GRM7: variants seen among roughly 807,000 people sequenced by gnomAD.
GRM7 encodes the protein metabotropic glutamate receptor 7.
Under a neutral mutation model 84.5 loss-of-function variants are expected in GRM7, and 35 were observed. The ratio of observed to expected loss-of-function variants is 0.41; its 90% confidence interval spans 0.32 to 0.55. The LOEUF is 0.55. GRM7 is among the 20% of genes least tolerant of loss of function. The pLI is 0.19. For missense variants in GRM7, 1,003 were observed against 1,194.6 expected (o/e 0.84, Z 2.36); for synonymous variants, 487 against 455.1 (o/e 1.07, Z -0.89).
intron 1 of GRM7, among the ~76,000 whole-genome samples, chr3:6,953,838 A>G (rs1448512528): frequency 6.6e-6 from 1 of 152,190 alleles, no homozygotes; most frequent in Admixed American, 6.5e-5. Flanking sequence ...CAGTGACATA[A>G]AAAAATCATA....
intron 1 of GRM7, among the ~76,000 whole-genome samples, chr3:7,108,422 C>T (rs2125030484): frequency 6.6e-6 from 1 of 151,958 alleles, no homozygotes; most frequent in South Asian, 2.1e-4. Context: ...TCTGAAGAAC[C>T]AGTGATCTTG....
rs181339369 is a variant in GRM7, at chr3:7,591,977, T to C, written c.2451+12620T>C. On this transcript the variant is annotated intron_variant, in intron 8 of 9. Coordinates refer to ENST00000357716, the MANE Select transcript of GRM7 (RefSeq NM_000844.4). ...TACCCTGGACAAATTACTTGATCTT[T>C]CTGGGTTTCAGTTTCCTTGTTTATA... Among the ~76,000 whole-genome samples, 226 of 152,324 alleles carry C rather than the reference T, an allele frequency of 1.5e-3. 1 individual carries two copies. Among genetic ancestry groups the C allele is most frequent in the African/African-American group, 4.9e-3 (204 of 41,580 alleles).
At position 7,270,181 on chromosome 3, in the gene GRM7, C is replaced by T. The variant is rs888455948; in HGVS notation, c.737-28503C>T. 3.3e-5 allele frequency among the ~76,000 whole-genome samples: 5 copies of T among 152,128 alleles called. No individual in the cohort carries two copies. In the South Asian group the frequency reaches 1.0e-3, roughly 31 times the overall value. ...ACCAATGCTTTAAATCTTAGCATGT[C>T]GTCATTTCTTTCTTGAAGCACGTCT... On this transcript the variant is annotated intron_variant, in intron 2 of 9. Coordinates refer to ENST00000357716, the MANE Select transcript of GRM7 (RefSeq NM_000844.4).
At chr3:7,392,560 G>A (rs1695043694) in intron 4 of GRM7, among the ~76,000 whole-genome samples, 1 of 152,220 alleles carries the variant, frequency 6.6e-6, no homozygotes, top group Non-Finnish European at 1.5e-5. Flanking sequence ...CCTCTCAGGT[G>A]AGAAACATGG....
At chr3:6,997,510 A>T (rs1232983504) in intron 1 of GRM7, among the ~76,000 whole-genome samples, 1 of 152,164 alleles carries the variant, frequency 6.6e-6, no homozygotes, top group Non-Finnish European at 1.5e-5. Flanking sequence ...AAGCCATCAG[A>T]TCTTGTGAGA....
intron 5 of GRM7, among the ~76,000 whole-genome samples, chr3:7,439,105 C>A (rs561902210): frequency 1.1e-3 from 165 of 152,022 alleles, no homozygotes; most frequent in African/African-American, 1.9e-3. Context: ...AATATGGATC[C>A]CAAACCCTGA....
At chr3:7,683,417 A>C (rs539798643) in intron 9 of GRM7, among the ~76,000 whole-genome samples, 8 of 152,332 alleles carry the variant, frequency 5.3e-5, no homozygotes, top group African/African-American at 1.7e-4. Flanking sequence ...TCTCACCACC[A>C]GCTGGAAAGA....
At chr3:7,578,320 G>C (rs1391267436) in intron 7 of GRM7, 102 bp from the exon 8 acceptor site, 2 of 719,192 alleles carry the variant, frequency 2.8e-6, no homozygotes, top group East Asian at 2.7e-5. Context: ...TCAACCTCAT[G>C]CCTCATATGT....
intron 2 of GRM7, among the ~76,000 whole-genome samples, chr3:7,291,550 C>G (rs1699627600): frequency 1.2e-5 from 1 of 85,460 alleles, no homozygotes; most frequent in African/African-American, 4.2e-5. Flanking sequence ...CTCTCTCTCT[C>G]TCTCAATCCC....
chr3:6,876,645 A>G (rs1222392587), intron 1 of GRM7, among the ~76,000 whole-genome samples: 1 of 128,096 alleles, frequency 7.8e-6, no homozygotes, highest in Non-Finnish European at 1.6e-5. Flanking sequence ...TGTATCGCCC[A>G]GGCTGGAATG....
intron 2 of GRM7, chr3:7,298,439 T>G (rs1277095517): frequency 2.6e-6 from 1 of 380,660 alleles, no homozygotes; most frequent in Non-Finnish European, 4.7e-6. Flanking sequence ...TTGGTATTGC[T>G]GGGAATAATT....
chr3:7,110,591 TCACA>T (rs370212342), intron 1 of GRM7, among the ~76,000 whole-genome samples: 2 of 143,626 alleles, frequency 1.4e-5, no homozygotes, highest in African/African-American at 2.6e-5. Flanking sequence ...CGATACTCTG[TCACA>T]CACACACACA....
At chr3:7,083,332 A>G (rs1178363581) in intron 1 of GRM7, among the ~76,000 whole-genome samples, 3 of 152,142 alleles carry the variant, frequency 2.0e-5, no homozygotes, top group Non-Finnish European at 4.4e-5. Context: ...GCAATAAAGT[A>G]TTTTTAAGTT....
intron 2 of GRM7, among the ~76,000 whole-genome samples, chr3:7,153,826 A>G (rs1159257697): frequency 3.3e-5 from 5 of 152,148 alleles, no homozygotes; most frequent in Non-Finnish European, 7.4e-5. Flanking sequence ...GGACAAAAAA[A>G]AACCCCTCTG....
intron 5 of GRM7, among the ~76,000 whole-genome samples, chr3:7,440,792 A>C (rs879543786): frequency 6.6e-6 from 1 of 152,200 alleles, no homozygotes; most frequent in Non-Finnish European, 1.5e-5. Context: ...AGTGGCCTTC[A>C]GTTCCATCCT....
At chr3:7,705,671 G>A (rs1333040311) in intron 9 of GRM7, among the ~76,000 whole-genome samples, 3 of 152,180 alleles carry the variant, frequency 2.0e-5, no homozygotes, top group African/African-American at 7.2e-5. Context: ...TGCTTTGGGA[G>A]TATGGTAAAT....
intron 8 of GRM7, among the ~76,000 whole-genome samples, chr3:7,673,871 G>A (rs1009056383): frequency 1.3e-5 from 2 of 152,146 alleles, no homozygotes; most frequent in South Asian, 4.1e-4. Context: ...TACTCAAATT[G>A]CTTCCTAATA....
intron 1 of GRM7, among the ~76,000 whole-genome samples, chr3:7,143,567 G>C (rs942596731): frequency 6.6e-6 from 1 of 152,122 alleles, no homozygotes; most frequent in Non-Finnish European, 1.5e-5. Context: ...CATTTTCAAA[G>C]GGTGCACAGT....
intron 1 of GRM7, among the ~76,000 whole-genome samples, chr3:6,907,695 C>G (rs1696630087): frequency 6.6e-6 from 1 of 151,938 alleles, no homozygotes; most frequent in Admixed American, 6.6e-5. Context: ...TTTAAGGAAC[C>G]ACGGAGAGAG....
Sources: gnomAD v4.1 joint callset for allele counts (sites outside exome capture counted in the v4.1 genomes callset) on GRCh38, gnomAD v4.1.1 for gene constraint, MANE v1.5 for transcripts, NCBI Gene and HGNC (gene_info 2026-07-23, HGNC 2026-07-21) for gene names.